DENND3: variants seen among roughly 807,000 people sequenced by gnomAD.
The protein encoded by DENND3 is DENN domain containing 3.
A neutral mutation model predicts 135.1 loss-of-function variants in DENND3; 88 were observed. That is an observed-to-expected ratio of 0.65 (90% confidence interval 0.55 to 0.78). The LOEUF (loss-of-function observed/expected upper bound fraction) is 0.78. Among genes scored for constraint, DENND3 ranks in the 30% least tolerant of loss-of-function variants. The pLI, the probability that DENND3 is intolerant of heterozygous loss-of-function variation, is 0.00. For synonymous variants in DENND3, 693 were observed against 712.3 expected (o/e 0.97, Z 0.43); for missense variants, 1,392 against 1,688.4 (o/e 0.82, Z 3.08).
In DENND3 at chr8:141,167,140, G is replaced by A. The variant is rs11785904; in HGVS notation, c.1753+751G>A. Among the ~76,000 whole-genome samples, 38,710 of 152,058 alleles carry A rather than the reference G, an allele frequency of 0.25. 5,080 individuals carry two copies. The highest frequency in any genetic ancestry group is 0.37 in the South Asian group (1,777 of 4,818). ...GCAGTGCGCATGAATGACAGACCAC[G>A]TTGTCTTTATCGGCTGAGCGCTGGA... On this transcript the variant is annotated intron_variant, in intron 12 of 22. Transcript: ENST00000519811. The surrounding 1 kb of genome is among the most constrained non-coding windows in gnomAD (Gnocchi z 4.1).
intron 1 of DENND3, among the ~76,000 whole-genome samples, chr8:141,133,619 T>C (rs1816421762): frequency 6.6e-6 from 1 of 152,066 alleles, no homozygotes; most frequent in African/African-American, 2.4e-5. Context: ...TGCAGGTGCT[T>C]GGTGTGGAAA....
At chr8:141,189,348 G>T (rs900818982) in intron 19 of DENND3, among the ~76,000 whole-genome samples, 95 of 152,362 alleles carry the variant, frequency 6.2e-4, no homozygotes, top group African/African-American at 2.2e-3. Context: ...ACCAGTGTGG[G>T]CCAAGCGTGG....
chr8:141,134,889 G>T (rs1420542612), intron 1 of DENND3, among the ~76,000 whole-genome samples: 2 of 152,132 alleles, frequency 1.3e-5, no homozygotes, highest in East Asian at 3.9e-4. Flanking sequence ...GGACTGCAGT[G>T]GTGAGATCTC....
chr8:141,165,890 C>A (rs557047978), intron 11 of DENND3, among the ~76,000 whole-genome samples: 34 of 152,270 alleles, frequency 2.2e-4, no homozygotes, highest in African/African-American at 7.7e-4. Flanking sequence ...CACCTCCCCC[C>A]ATCCTCAAAG....
Position 141,175,216 on chromosome 8 carries a change from C to T in DENND3, c.2292C>T (p.Ile764=), listed in dbSNP as rs746925416. Residue 764 remains isoleucine (I), a synonymous_variant, in exon 14 of 23, where the codon ATC becomes ATT. Coordinates refer to ENST00000519811, the MANE Select transcript of DENND3 (RefSeq NM_001352890.3). The surrounding 1 kb of genome is among the most constrained non-coding windows in gnomAD (Gnocchi z 5.4). ...CAAACTAAGGACAGGAGAAACAAAT[C>T]GACCCAGAAACATTCAAAGATTTCT... The part of the protein sequence containing the change: ...EALTVGQEKQ[I]DPETFKDFYN... 40 of 1,613,288 alleles carry T rather than the reference C, an allele frequency of 2.5e-5. No individual in the cohort carries two copies. The highest frequency in any genetic ancestry group is 3.2e-5 in the Non-Finnish European group (38 of 1,179,592).
In DENND3 at chr8:141,137,936, C is replaced by T; in HGVS notation, c.386-86C>T. 1 of 1,401,102 alleles carries T rather than the reference C, an allele frequency of 7.1e-7. No individual in the cohort carries two copies. Among genetic ancestry groups the T allele is most frequent in the South Asian group, 1.3e-5 (1 of 76,934 alleles). The allele number at this position is 1,401,102 out of a possible 1,614,324, so 86.8% of individuals were successfully genotyped here. On this transcript the variant is annotated intron_variant, in intron 2 of 22. Coordinates refer to ENST00000519811, the MANE Select transcript of DENND3 (RefSeq NM_001352890.3). The surrounding 1 kb of genome is among the most constrained non-coding windows in gnomAD (Gnocchi z 4.1). The stretch of plus-strand genomic sequence containing the variant: ...ACCACTGCTAACTGTGGAGGTGTGT[C>T]CTAAACACTGTGAAGAAATCAGCTC...
chr8:141,192,906 T>C, intron 22 of DENND3: 1 of 1,471,976 alleles, frequency 6.8e-7, no homozygotes, highest in Non-Finnish European at 9.1e-7. Context: ...TGGCTTCAAA[T>C]GACAGAACTT....
chr8:141,165,075 A>C, intron 10 of DENND3, 111 bp from the exon 11 acceptor site: 2 of 731,538 alleles, frequency 2.7e-6, no homozygotes, highest in Non-Finnish European at 4.8e-6. Context: ...GTCAATATCC[A>C]CTGGGTGTGA....
In DENND3 at chr8:141,146,099, G is replaced by A. The variant is rs1410017187; in HGVS notation, c.735+1840G>A. ...CCTGACCTCGTGATCTCCCCGCCTC[G>A]GCCTCCCGAAGTGCTGGGATTACAG... On this transcript the variant is annotated intron_variant, in intron 5 of 22. Transcript: ENST00000519811. This position sits in a 1 kb window ranked among gnomAD's most constrained non-coding sequence, Gnocchi z 4.3. Among the ~76,000 whole-genome samples the A allele has an allele frequency of 3.3e-5, 5 of 152,034 alleles. No individual in the cohort carries two copies. Among genetic ancestry groups the A allele is most frequent in the South Asian group, 2.1e-4 (1 of 4,810 alleles).
rs1361244842 is a variant in DENND3, at chr8:141,166,131, G to A, written c.1554-59G>A. On this transcript the variant is annotated intron_variant, in intron 11 of 22. Coordinates refer to ENST00000519811, the MANE Select transcript of DENND3 (RefSeq NM_001352890.3). The surrounding 1 kb of genome is among the most constrained non-coding windows in gnomAD (Gnocchi z 4.3). ...ACACTGGGAAAAATGCTTAGTTTAG[G>A]CTTATTCTTCAATCATTATTGTGTC... The A allele has an allele frequency of 1.3e-6, 2 of 1,540,502 alleles. No homozygotes were observed. Among genetic ancestry groups the A allele is most frequent in the East Asian group, 2.2e-5 (1 of 44,482 alleles).
At chr8:141,192,309 T>C in intron 20 of DENND3, 22 bp from the exon 21 acceptor site, 2 of 1,613,364 alleles carry the variant, frequency 1.2e-6, no homozygotes, top group Non-Finnish European at 1.7e-6. Flanking sequence ...CCTGGCCCCA[T>C]CCTAGCTCCT....
intron 8 of DENND3, among the ~76,000 whole-genome samples, chr8:141,156,887 G>A (rs1007048307): frequency 6.6e-6 from 1 of 151,240 alleles, no homozygotes; most frequent in Non-Finnish European, 1.5e-5. Context: ...TGCCTTCTGG[G>A]TTCAAGCGAT....
In DENND3 at chr8:141,161,226, C is replaced by T. The variant is rs143710114; in HGVS notation, c.1352+439C>T. The stretch of plus-strand genomic sequence containing the variant: ...GCTCAGTCCGTGGAGGGCTCTGTCC[C>T]GAGAGGCCTGCATCCAGGGGCTAGT... On this transcript the variant is annotated intron_variant, in intron 9 of 22. Transcript: ENST00000519811. Among the ~76,000 whole-genome samples the T allele has an allele frequency of 1.8e-4, 28 of 152,304 alleles. No homozygotes were observed. In the East Asian group the frequency reaches 4.2e-3, roughly 23 times the overall value.
intron 13 of DENND3, among the ~76,000 whole-genome samples, chr8:141,170,621 C>T (rs533682280): frequency 1.7e-4 from 26 of 152,296 alleles, no homozygotes; most frequent in Non-Finnish European, 2.9e-4. Flanking sequence ...TGCCGTGCTT[C>T]GGGGACGCTG....
intron 10 of DENND3, among the ~76,000 whole-genome samples, chr8:141,164,143 T>C (rs1440337040): frequency 4.6e-5 from 7 of 152,050 alleles, no homozygotes; most frequent in African/African-American, 7.2e-5. Context: ...AGTCCTGCGG[T>C]CTGCGCTCTG....
intron 1 of DENND3, among the ~76,000 whole-genome samples, chr8:141,135,407 C>T (rs375948731): frequency 3.3e-5 from 5 of 151,376 alleles, no homozygotes; most frequent in African/African-American, 1.2e-4. Context: ...CCGCTTTGGC[C>T]TCCCAAAGTG....
Position 141,185,277 on chromosome 8 carries a change from T to G in DENND3, c.3083T>G (p.Val1028Gly). ...QHSFKVGTAK[V>G]NCMVMADQNQ... is the part of the protein sequence containing the mutation. ...TCCTTTAAAGTGGGCACTGCAAAAGTGGTGAGTACACGAAGCGTCAGGAAA... is the reference window on the plus strand; with the variant it reads ...TCCTTTAAAGTGGGCACTGCAAAAGGGGTGAGTACACGAAGCGTCAGGAAA... The change falls in exon 18 of 23, where the codon GTG becomes GGG. Residue 1028 changes from valine (V) to glycine (G), a missense_variant and splice_region_variant. Coordinates refer to ENST00000519811, the MANE Select transcript of DENND3 (RefSeq NM_001352890.3). 6.2e-7 allele frequency: 1 copy of G among 1,614,136 alleles called. No individual in the cohort carries two copies. Among genetic ancestry groups the G allele is most frequent in the Middle Eastern group, 1.6e-4 (1 of 6,062 alleles).
At chr8:141,142,365 A>C (rs1311722228) in intron 4 of DENND3, 7 of 456,812 alleles carry the variant, frequency 1.5e-5, no homozygotes, top group South Asian at 1.1e-4. Flanking sequence ...GAGCCACGGC[A>C]AATCGCTGAA....
chr8:141,171,926 A>G (rs1450824153), intron 13 of DENND3, among the ~76,000 whole-genome samples: 1 of 148,814 alleles, frequency 6.7e-6, no homozygotes, highest in Non-Finnish European at 1.5e-5. Context: ...GAGGGTGTGC[A>G]TGGTGGTGGT....
Sources: gnomAD v4.1 joint callset for allele counts (sites outside exome capture counted in the v4.1 genomes callset) on GRCh38, gnomAD v4.1.1 for gene constraint, Gnocchi (gnomAD v3.1) non-coding constraint, MANE v1.5 for transcripts, NCBI Gene and HGNC (gene_info 2026-07-23, HGNC 2026-07-21) for gene names.